Variants in TMEM164 observed in about 807,000 individuals in gnomAD.
TMEM164 encodes RP13-360B22.2.
A neutral mutation model predicts 18.8 loss-of-function variants in TMEM164; 4 were observed. The observed-to-expected ratio is 0.21, with a 90% confidence interval of 0.10 to 0.49. The LOEUF is 0.49. Among genes scored for constraint, TMEM164 ranks in the 20% least tolerant of loss-of-function variants. TMEM164 has a pLI of 0.98. For synonymous variants in TMEM164, 86 were observed against 101.7 expected, an observed-to-expected ratio of 0.85 and a Z score of 0.93; for missense variants, 108 against 239.9, an observed-to-expected ratio of 0.45 and a Z score of 3.63.
upstream of TMEM164, among the ~76,000 whole-genome samples, chrX:110,002,383 G>A (rs1399061055): frequency 9.0e-6 from 1 of 110,541 alleles, no homozygotes; most frequent in African/African-American, 3.3e-5. Context: ...GGAAGGAGGC[G>A]GAGCCTGAGC....
chrX:110,051,619 AAG>A (rs1413685777), intron 2 of TMEM164, among the ~76,000 whole-genome samples: 1 of 111,348 alleles, frequency 9.0e-6, no homozygotes, highest in South Asian at 3.7e-4. Context: ...GAAAGAAAGA[AAG>A]AAAATCCAGT....
chrX:110,010,641 C>T (rs1275920963), intron 2 of TMEM164, among the ~76,000 whole-genome samples: 1 of 111,811 alleles, frequency 8.9e-6, no homozygotes, highest in Non-Finnish European at 1.9e-5. Context: ...TATCTAGTGG[C>T]TGAAGTAATT....
At chrX:110,044,771 G>A (rs1935250722) in intron 2 of TMEM164, among the ~76,000 whole-genome samples, 1 of 108,738 alleles carries the variant, frequency 9.2e-6, no homozygotes, top group African/African-American at 3.4e-5. Flanking sequence ...GTTTTCAGTG[G>A]TTGTCAGTGT....
chrX:110,124,184 A>AGGAAGGCAGGC (rs1569339696), intron 4 of TMEM164, among the ~76,000 whole-genome samples: 2 of 49,056 alleles, frequency 4.1e-5, no homozygotes, highest in African/African-American at 1.5e-4. Context: ...GGAAGGCAGG[A>AGGAAGGCAGGC]AGGCAGGCAG....
chrX:110,027,910 T>C (rs187546734), intron 2 of TMEM164, among the ~76,000 whole-genome samples: 1,561 of 112,380 alleles, frequency 0.014, 24 homozygotes, highest in African/African-American at 0.047. Flanking sequence ...CAATGCTGCT[T>C]CCTCTTCTTC....
chrX:110,168,113 G>A (rs1602742654), intron 5 of TMEM164, among the ~76,000 whole-genome samples: 1 of 112,343 alleles, frequency 8.9e-6, no homozygotes, highest in Non-Finnish European at 1.9e-5. Context: ...GGGGGCACCC[G>A]GGACAACAGG....
chrX:110,085,868 G>A (rs2065844638), intron 3 of TMEM164, among the ~76,000 whole-genome samples: 1 of 111,881 alleles, frequency 8.9e-6, no homozygotes, highest in Admixed American at 9.6e-5. Context: ...GGGAATTAGA[G>A]TCTCCATGTG....
chrX:110,138,942 G>A (rs1407207558), intron 4 of TMEM164, among the ~76,000 whole-genome samples: 1 of 111,721 alleles, frequency 9.0e-6, no homozygotes, highest in Non-Finnish European at 1.9e-5. Flanking sequence ...AGCAATTTGA[G>A]TGAAATGGTA....
chrX:110,062,943 A>T (rs1320540517), intron 2 of TMEM164, among the ~76,000 whole-genome samples: 1 of 111,674 alleles, frequency 9.0e-6, no homozygotes, highest in Non-Finnish European at 1.9e-5. Context: ...CAGTAAGGAA[A>T]TTATTGCAGT....
intron 3 of TMEM164, among the ~76,000 whole-genome samples, chrX:110,071,677 C>A (rs754046195): frequency 1.2e-5 from 1 of 82,707 alleles, no homozygotes; most frequent in Admixed American, 1.8e-4. Context: ...GCCAGGAATT[C>A]GGGACCAGCC....
At chrX:110,155,441 G>T (rs2067003711) in intron 5 of TMEM164, among the ~76,000 whole-genome samples, 1 of 110,162 alleles carries the variant, frequency 9.1e-6, no homozygotes, top group Non-Finnish European at 1.9e-5. Flanking sequence ...TTGGTTAGTG[G>T]CTCTACTCTC....
chrX:110,127,268 T>TTCC (rs2066546515), intron 4 of TMEM164, among the ~76,000 whole-genome samples: 1 of 110,794 alleles, frequency 9.0e-6, no homozygotes, highest in Non-Finnish European at 1.9e-5. Flanking sequence ...ATCCCAGCAC[T>TTCC]TTGAGAGGCT....
At chrX:110,056,960 TCAC>T (rs890647396) in intron 2 of TMEM164, among the ~76,000 whole-genome samples, 2 of 110,646 alleles carry the variant, frequency 1.8e-5, no homozygotes, top group Admixed American at 9.7e-5. Context: ...TATATGGAAA[TCAC>T]CACAATCAAG....
rs763151657 is a variant in TMEM164 at position 110,119,452 on chromosome X, GA to G, written c.507+10307del. On this transcript the variant is annotated intron_variant, in intron 4 of 6. Coordinates refer to ENST00000372068, the MANE Select transcript of TMEM164 (RefSeq NM_032227.4). ...CTTAAAGAAAGTAAGGAAGGGAGGG[GA>G]GGGGAGGGAAAAATAGAATAAAACA... Among the ~76,000 whole-genome samples the G allele has an allele frequency of 2.9e-3, 322 of 111,674 alleles. 2 individuals carry two copies. Among genetic ancestry groups the G allele is most frequent in the Non-Finnish European group, 5.0e-3 (264 of 53,088 alleles).
chrX:110,129,750 T>G (rs1309685677), intron 4 of TMEM164, among the ~76,000 whole-genome samples: 1 of 111,879 alleles, frequency 8.9e-6, no homozygotes, highest in Non-Finnish European at 1.9e-5. Context: ...ATTCTATTCC[T>G]TGGTTGTCAG....
intron 3 of TMEM164, among the ~76,000 whole-genome samples, chrX:110,072,194 G>C (rs1387728926): frequency 1.9e-5 from 2 of 106,288 alleles, no homozygotes; most frequent in Admixed American, 2.1e-4. Flanking sequence ...CCAGCTACTC[G>C]AGAGGCTGAG....
At chrX:110,133,710 A>G (rs1201305034) in intron 4 of TMEM164, among the ~76,000 whole-genome samples, 1 of 111,691 alleles carries the variant, frequency 9.0e-6, no homozygotes, top group Non-Finnish European at 1.9e-5. Flanking sequence ...CAGCAGACTT[A>G]GTTATGATAT....
At chrX:110,066,762 G>A (rs991615277) in intron 2 of TMEM164, among the ~76,000 whole-genome samples, 8 of 111,570 alleles carry the variant, frequency 7.2e-5, no homozygotes, top group African/African-American at 2.6e-4. Context: ...CCTGGGAGGA[G>A]AATGGAAGAG....
intron 2 of TMEM164, among the ~76,000 whole-genome samples, chrX:110,005,895 A>C (rs1015493530): frequency 2.7e-5 from 3 of 111,654 alleles, no homozygotes; most frequent in Non-Finnish European, 5.6e-5. Flanking sequence ...TGGCAATCAC[A>C]TATCTAGAAG....
Sources: gnomAD v4.1 joint callset for allele counts (sites outside exome capture counted in the v4.1 genomes callset) on GRCh38, gnomAD v4.1.1 for gene constraint, MANE v1.5 for transcripts, NCBI Gene and HGNC (gene_info 2026-07-23, HGNC 2026-07-21) for gene names.